KCNMA1: variants seen among roughly 807,000 people sequenced by gnomAD.
KCNMA1 encodes the protein Calcium-activated potassium channel subunit alpha-1.
In KCNMA1, 29 loss-of-function variants were observed where a neutral mutation model predicts 140.0. The observed-to-expected ratio is 0.21, with a 90% CI of 0.15 to 0.28. The LOEUF is 0.28. Among genes scored for constraint, KCNMA1 ranks in the 10% least tolerant of loss-of-function variants. The pLI is 1.00. For synonymous variants in KCNMA1, 612 were observed against 611.9 expected (o/e 1.00, Z 0.00); for missense variants, 880 against 1,602.2 (o/e 0.55, Z 7.70).
intron 1 of KCNMA1, among the ~76,000 whole-genome samples, chr10:77,601,227 G>C (rs1390340261): frequency 2.0e-5 from 3 of 152,172 alleles, no homozygotes; most frequent in Non-Finnish European, 4.4e-5. Context: ...CGTGGGGAAG[G>C]TTCTGCCTGA....
At chr10:77,286,241 A>G (rs973504884) in intron 2 of KCNMA1, among the ~76,000 whole-genome samples, 6 of 152,216 alleles carry the variant, frequency 3.9e-5, no homozygotes, top group Non-Finnish European at 5.9e-5. Context: ...CATACAGCAA[A>G]AAAGAAAACC....
chr10:76,882,564 T>C (rs1243994051), downstream of KCNMA1, among the ~76,000 whole-genome samples: 7 of 152,204 alleles, frequency 4.6e-5, no homozygotes, highest in Admixed American at 3.3e-4. Flanking sequence ...ACAAATTATT[T>C]GTACCAGAAC....
intron 1 of KCNMA1, among the ~76,000 whole-genome samples, chr10:77,615,571 G>T (rs1171469351): frequency 2.6e-5 from 4 of 152,138 alleles, no homozygotes; most frequent in African/African-American, 7.2e-5. Flanking sequence ...GCAAACTGAG[G>T]CCTCGCCCCT....
chr10:77,461,971 C>T (rs542847472), intron 1 of KCNMA1, among the ~76,000 whole-genome samples: 1 of 152,174 alleles, frequency 6.6e-6, no homozygotes, highest in East Asian at 1.9e-4. Flanking sequence ...GAGGCACAGC[C>T]CAAAGTACCA....
intron 22 of KCNMA1, 105 bp from the exon 23 acceptor site, chr10:76,945,070 T>A: frequency 1.1e-6 from 1 of 951,264 alleles, no homozygotes; most frequent in Non-Finnish European, 1.7e-6. Flanking sequence ...GAAAACAAAT[T>A]AAAGATTGAG....
Position 77,110,309 on chromosome 10 carries a change from T to A in KCNMA1, c.995A>T (p.Gln332Leu). 4 of 1,614,086 alleles carry A rather than the reference T, an allele frequency of 2.5e-6. No individual in the cohort carries two copies. The highest frequency in any genetic ancestry group is 2.5e-6 in the Non-Finnish European group (3 of 1,179,936). Residue 332 changes from glutamine (Q) to leucine (L), a missense_variant, in exon 8 of 28, where the codon CAA becomes CTA. Physicochemically the swap from Gln to Leu is moderately radical, Grantham distance 113. This residue lies in a region of KCNMA1 where 198 missense variants were observed against 580.1 expected (regional missense o/e 0.34). Transcript: ENST00000286628. Reference protein sequence around the residue: ...ENSGDPWENFQNNQALTYWEC... With the variant: ...ENSGDPWENFLNNQALTYWEC... ...CCAGTAGGTGAGAGCCTGGTTGTTT[T>A]GGAAATTTTCCCATGGGTCCCCTGA...
At chr10:77,207,614 A>G (rs536971963) in intron 3 of KCNMA1, among the ~76,000 whole-genome samples, 1 of 152,286 alleles carries the variant, frequency 6.6e-6, no homozygotes, top group Admixed American at 6.5e-5. Context: ...TACCTGACCT[A>G]TTGAACATCT....
At chr10:77,396,322 G>C (rs534533147) in intron 2 of KCNMA1, among the ~76,000 whole-genome samples, 45 of 152,200 alleles carry the variant, frequency 3.0e-4, no homozygotes, top group African/African-American at 1.0e-3. Flanking sequence ...GGGGGTGAGA[G>C]ACAGAGACAG....
intron 19 of KCNMA1, among the ~76,000 whole-genome samples, chr10:76,973,698 G>A (rs558887618): frequency 6.6e-6 from 1 of 152,222 alleles, no homozygotes; most frequent in South Asian, 2.1e-4. Flanking sequence ...CAAAAGCAAC[G>A]TCTTCCAGAA....
At chr10:77,456,177 G>C (rs2097760079) in intron 1 of KCNMA1, among the ~76,000 whole-genome samples, 1 of 152,206 alleles carries the variant, frequency 6.6e-6, no homozygotes, top group Admixed American at 6.5e-5. Context: ...GTCAAAGACT[G>C]TGAGGCAGGA....
chr10:76,898,110 A>G (rs1308411514), intron 25 of KCNMA1, among the ~76,000 whole-genome samples: 1 of 151,830 alleles, frequency 6.6e-6, no homozygotes, highest in Non-Finnish European at 1.5e-5. Context: ...ATGTTATATA[A>G]CTAAACATAA....
chr10:77,490,518 A>G (rs2098519486), intron 1 of KCNMA1, among the ~76,000 whole-genome samples: 1 of 152,238 alleles, frequency 6.6e-6, no homozygotes, highest in Admixed American at 6.5e-5. Flanking sequence ...AGTTTTTGCT[A>G]GTTTAATATT....
intron 1 of KCNMA1, among the ~76,000 whole-genome samples, chr10:77,411,306 G>A (rs3844119): frequency 0.38 from 57,755 of 152,032 alleles, 14,154 homozygotes; most frequent in African/African-American, 0.7. Context: ...AGGAGTGGGG[G>A]AAGGAGGAGA....
intron 1 of KCNMA1, among the ~76,000 whole-genome samples, chr10:77,601,721 C>A (rs1286842621): frequency 2.6e-5 from 4 of 152,148 alleles, no homozygotes; most frequent in Admixed American, 2.0e-4. Flanking sequence ...TCTCCCCGGG[C>A]CCTGGTAAGC....
rs114582911 is a variant in KCNMA1, at chr10:77,251,865, C to T, written c.541-609G>A. Among the ~76,000 whole-genome samples, 412 of 152,284 alleles carry T rather than the reference C, an allele frequency of 2.7e-3. 5 individuals are homozygous for T. Among genetic ancestry groups the T allele is most frequent in the African/African-American group, 9.4e-3 (389 of 41,578 alleles). ...TTTCCAAGCCCCAGACCACACTAAT[C>T]TACTTTCTGTCACTACATAAGAGAT... is the stretch of plus-strand genomic sequence containing the variant. On this transcript the variant is annotated intron_variant, in intron 2 of 27. Coordinates refer to ENST00000286628, the MANE Select transcript of KCNMA1 (RefSeq NM_001161352.2).
At chr10:77,226,779 G>T (rs1332156236) in intron 3 of KCNMA1, among the ~76,000 whole-genome samples, 1 of 152,040 alleles carries the variant, frequency 6.6e-6, no homozygotes, top group Non-Finnish European at 1.5e-5. Context: ...TGCTCTGAGG[G>T]GCTTCAGGTA....
chr10:77,405,925 G>T (rs573472794), intron 1 of KCNMA1, among the ~76,000 whole-genome samples: 1 of 152,174 alleles, frequency 6.6e-6, no homozygotes, highest in Non-Finnish European at 1.5e-5. Context: ...AGCTGGTCCC[G>T]ATTCCTGCTT....
At chr10:77,160,402 C>T (rs1020448782) in intron 5 of KCNMA1, among the ~76,000 whole-genome samples, 36 of 152,202 alleles carry the variant, frequency 2.4e-4, no homozygotes, top group Admixed American at 8.5e-4. Context: ...CCCAGCAAGT[C>T]CCTATGGCTA....
chr10:77,410,768 G>A (rs1024772307), intron 1 of KCNMA1, among the ~76,000 whole-genome samples: 8 of 152,120 alleles, frequency 5.3e-5, no homozygotes, highest in Admixed American at 3.9e-4. Flanking sequence ...GTCCCGTCTC[G>A]GGGCTGTCTG....
Sources: allele counts gnomAD v4.1 joint callset (sites outside exome capture counted in the v4.1 genomes callset), GRCh38; gene constraint gnomAD v4.1.1; regional missense constraint gnomAD v4.1.1; transcripts MANE v1.5; gene names NCBI Gene and HGNC (gene_info 2026-07-23, HGNC 2026-07-21).